The following HIPK1 variants were observed in gnomAD, a reference collection of about 807,000 sequenced individuals.
HIPK1 encodes the protein homeodomain interacting protein kinase 1, also known as homeodomain-interacting protein kinase 1.
A neutral mutation model predicts 117.1 loss-of-function variants in HIPK1; 28 were observed. The observed-to-expected ratio is 0.24, with a 90% CI of 0.18 to 0.33. The LOEUF is 0.33. Ranked by LOEUF, HIPK1 falls within the 10% of genes least tolerant of loss-of-function variation. HIPK1 has a pLI of 1.00. For missense variants in HIPK1, 1,122 were observed against 1,475.1 expected (o/e 0.76, Z 3.92); for synonymous variants, 605 against 562.5 (o/e 1.08, Z -1.07).
chr1:113,952,151 C>T (rs1017538296), intron 2 of HIPK1, among the ~76,000 whole-genome samples: 5 of 152,028 alleles, frequency 3.3e-5, no homozygotes, highest in African/African-American at 1.2e-4. Flanking sequence ...ATTGGCCAAG[C>T]TGGTCTTGAA....
Position 113,941,848 on chromosome 1 carries a change from C to T in HIPK1, c.1076+389C>T, listed in dbSNP as rs1447239071. On this transcript the variant is annotated intron_variant, in intron 2 of 15. Coordinates refer to ENST00000426820, the MANE Select transcript of HIPK1 (RefSeq NM_198268.3). This position sits in a 1 kb window ranked among gnomAD's most constrained non-coding sequence, Gnocchi z 4.9. ...GATATCAGCTCACTGCAAGCCCCAC[C>T]TCCTGGGTTCACGCCATTCTCCTGC... 6.6e-6 allele frequency among the ~76,000 whole-genome samples: 1 copy of T among 152,172 alleles called. No homozygotes were observed. The highest frequency in any genetic ancestry group is 1.5e-5 in the Non-Finnish European group (1 of 68,042).
At chr1:113,954,535 A>G in intron 3 of HIPK1, 116 bp from the exon 4 acceptor site, 1 of 1,026,728 alleles carries the variant, frequency 9.7e-7, no homozygotes, top group Non-Finnish European at 1.4e-6. Context: ...TTTCAGTTGT[A>G]TTGATTAAAG....
At chr1:113,953,024 C>A in intron 3 of HIPK1, 135 bp downstream of exon 3, 2 of 738,596 alleles carry the variant, frequency 2.7e-6, no homozygotes, top group Non-Finnish European at 3.8e-6. Context: ...TACTAAAGAA[C>A]TTTTTAAAGA....
intron 1 of HIPK1, chr1:113,930,461 G>A (rs10494162): frequency 0.27 from 40,419 of 152,172 alleles, 5,504 homozygotes; most frequent in African/African-American, 0.29. Flanking sequence ...CTTGTAATTC[G>A]TAATGACGGT....
intron 12 of HIPK1, 45 bp from the exon 13 acceptor site, chr1:113,968,397 A>T (rs1672595744): frequency 7.3e-7 from 1 of 1,376,902 alleles, no homozygotes. Context: ...CACAATTTGG[A>T]AGGCCAAGGA....
At chr1:113,950,086 G>A (rs1671247438) in intron 2 of HIPK1, among the ~76,000 whole-genome samples, 1 of 152,110 alleles carries the variant, frequency 6.6e-6, no homozygotes, top group South Asian at 2.1e-4. Context: ...TGTTTTCTAA[G>A]GGCCACTATT....
At chr1:113,960,846 TATTAA>T (rs760582439) in intron 8 of HIPK1, among the ~76,000 whole-genome samples, 51 of 152,344 alleles carry the variant, frequency 3.3e-4, no homozygotes, top group Non-Finnish European at 6.5e-4. Flanking sequence ...GACAACTTGT[TATTAA>T]ATTACTCATA....
intron 7 of HIPK1, among the ~76,000 whole-genome samples, chr1:113,957,622 T>A (rs1333798934): frequency 6.6e-6 from 1 of 152,252 alleles, no homozygotes; most frequent in East Asian, 1.9e-4. Context: ...TATCTCTTGT[T>A]ACTGTATTGA....
intron 1 of HIPK1, among the ~76,000 whole-genome samples, chr1:113,936,948 GCTTC>G (rs949400360): frequency 2.0e-5 from 3 of 152,144 alleles, no homozygotes; most frequent in African/African-American, 4.8e-5. Context: ...TAGAAAATTT[GCTTC>G]CTTTTGTTGT....
intron 11 of HIPK1, among the ~76,000 whole-genome samples, chr1:113,966,756 C>G (rs1672472100): frequency 6.6e-6 from 1 of 151,912 alleles, no homozygotes; most frequent in Admixed American, 6.6e-5. Flanking sequence ...CAATTACACT[C>G]TTTAAGTCAT....
At chr1:113,952,475 T>C (rs997850747) in intron 2 of HIPK1, among the ~76,000 whole-genome samples, 1 of 152,194 alleles carries the variant, frequency 6.6e-6, no homozygotes, top group African/African-American at 2.4e-5. Flanking sequence ...CATGTTTTGT[T>C]GCAGAAATAT....
intron 2 of HIPK1, among the ~76,000 whole-genome samples, chr1:113,943,722 T>C (rs972320920): frequency 6.6e-6 from 1 of 152,262 alleles, no homozygotes; most frequent in Non-Finnish European, 1.5e-5. Context: ...CCACAGAGGC[T>C]GCACTATTTT....
chr1:113,942,669 C>T (rs764132861), intron 2 of HIPK1, among the ~76,000 whole-genome samples: 1 of 152,130 alleles, frequency 6.6e-6, no homozygotes, highest in Non-Finnish European at 1.5e-5. Flanking sequence ...TAGATTGATA[C>T]TTTTAATGTA....
chr1:113,958,106 C>G lies in HIPK1; in HGVS notation c.1796C>G (p.Thr599Ser). 1 of 1,614,168 alleles carries G rather than the reference C, an allele frequency of 6.2e-7. No homozygotes were observed. Among genetic ancestry groups the G allele is most frequent in the Non-Finnish European group, 8.5e-7 (1 of 1,180,020 alleles). The change falls in exon 8 of 16, where the codon ACT (threonine) becomes AGT (serine). Residue 599 changes from threonine to serine, a missense_variant. Transcript: ENST00000426820. ...TCCAGTTCTACTGCAGCAGCTGCTA[C>G]TCTTTCTCTGGCTAATTCAGATGTC... ...LASSSTAAAA[T>S]LSLANSDVSL...
intron 1 of HIPK1, among the ~76,000 whole-genome samples, chr1:113,930,345 G>C (rs1669786180): frequency 6.6e-6 from 1 of 152,256 alleles, no homozygotes; most frequent in African/African-American, 2.4e-5. Context: ...ATGGTTTTGG[G>C]TTATTTGTGC....
intron 8 of HIPK1, among the ~76,000 whole-genome samples, chr1:113,960,908 G>A (rs1191739489): frequency 5.3e-5 from 8 of 152,284 alleles, no homozygotes; most frequent in Non-Finnish European, 8.8e-5. Flanking sequence ...GAAAACAGCA[G>A]TGTTAGGTCT....
rs1301471110 is a variant in HIPK1 at position 113,941,567 on chromosome 1, G to A, written c.1076+108G>A. On this transcript the variant is annotated intron_variant, in intron 2 of 15. Transcript: ENST00000426820. This position sits in a 1 kb window ranked among gnomAD's most constrained non-coding sequence, Gnocchi z 4.9. ...CAATGAATTTGTTTATAGATTCTGA[G>A]ATAGAAATAGGATATGTTTTAGCTC... 3.6e-6 allele frequency: 3 copies of A among 834,192 alleles called. No individual in the cohort carries two copies. The highest frequency in any genetic ancestry group is 5.7e-6 in the Non-Finnish European group (3 of 528,740). 51.7% of individuals were successfully genotyped at this position (834,192 alleles called of 1,614,324 possible).
chr1:113,966,784 AG>A (rs1229409652), intron 11 of HIPK1, among the ~76,000 whole-genome samples: 1 of 152,052 alleles, frequency 6.6e-6, no homozygotes, highest in Non-Finnish European at 1.5e-5. Flanking sequence ...TGTACAATTA[AG>A]TTATTACTGA....
chr1:113,932,432 C>T (rs1669961841), intron 1 of HIPK1, among the ~76,000 whole-genome samples: 1 of 149,068 alleles, frequency 6.7e-6, no homozygotes, highest in Non-Finnish European at 1.5e-5. Context: ...GGTCGGAGTG[C>T]CGTGGTGGGT....
Sources: gnomAD v4.1 joint callset for allele counts (sites outside exome capture counted in the v4.1 genomes callset) on GRCh38, gnomAD v4.1.1 for gene constraint, Gnocchi (gnomAD v3.1) non-coding constraint, MANE v1.5 for transcripts, NCBI Gene and HGNC (gene_info 2026-07-23, HGNC 2026-07-21) for gene names.